PCDH7: variants seen among roughly 807,000 people sequenced by gnomAD.
PCDH7 encodes the protein protocadherin-7.
Under a neutral mutation model 58.9 loss-of-function variants are expected in PCDH7, and 17 were observed. The observed-to-expected ratio is 0.29, with a 90% confidence interval of 0.20 to 0.43. The LOEUF (loss-of-function observed/expected upper bound fraction) is 0.43, where lower values mean the gene tolerates loss of function less well. Among genes scored for constraint, PCDH7 ranks in the 20% least tolerant of loss-of-function variants. The pLI, the probability that PCDH7 is intolerant of heterozygous loss-of-function variation, is 1.00. For missense variants in PCDH7, 1,274 were observed against 1,441.0 expected (o/e 0.88, Z 1.88); for synonymous variants, 664 against 616.4 (o/e 1.08, Z -1.14).
intron 1 of PCDH7, among the ~76,000 whole-genome samples, chr4:30,805,836 A>G (rs1726127175): frequency 6.6e-6 from 1 of 152,230 alleles, no homozygotes; most frequent in Non-Finnish European, 1.5e-5. Flanking sequence ...TGTTTCTCTG[A>G]CACTTCTATG....
At chr4:30,988,860 A>G (rs957616945) in intron 3 of PCDH7, among the ~76,000 whole-genome samples, 1 of 152,190 alleles carries the variant, frequency 6.6e-6, no homozygotes, top group Non-Finnish European at 1.5e-5. Flanking sequence ...GTATTAATGC[A>G]TGTACATTAA....
rs1482189271 is a variant in PCDH7 at position 30,721,690 on chromosome 4, C to T, written c.268C>T (p.Arg90Cys). The T allele has an allele frequency of 6.2e-7, 1 of 1,614,000 alleles. No homozygotes were observed. The highest frequency in any genetic ancestry group is 2.2e-5 in the East Asian group (1 of 44,848). ...TGGCGAGCTGAGCACGAGCGAGCGGCGCATCGACCGCGAGAAGCTGCCCCA... is the reference window on the plus strand; with the variant it reads ...TGGCGAGCTGAGCACGAGCGAGCGGTGCATCGACCGCGAGAAGCTGCCCCA... The change falls in exon 1 of 2, where the codon CGC becomes TGC. Residue 90 changes from arginine to cysteine, a missense_variant. Transcript: ENST00000361762. This position sits in a 1 kb window ranked among gnomAD's most constrained non-coding sequence, Gnocchi z 6.7.
At chr4:31,015,205 C>A (rs1753508127) in intron 3 of PCDH7, among the ~76,000 whole-genome samples, 1 of 152,150 alleles carries the variant, frequency 6.6e-6, no homozygotes, top group Non-Finnish European at 1.5e-5. Flanking sequence ...CTACTTCATG[C>A]CCTTGTCTTT....
chr4:31,086,948 A>T (rs1712516845), intron 3 of PCDH7, among the ~76,000 whole-genome samples: 1 of 152,196 alleles, frequency 6.6e-6, no homozygotes. Context: ...GTTGAATATG[A>T]AATTCTTGGA....
chr4:30,885,769 C>CA (rs1737645920), intron 1 of PCDH7, among the ~76,000 whole-genome samples: 1 of 152,072 alleles, frequency 6.6e-6, no homozygotes, highest in African/African-American at 2.4e-5. Flanking sequence ...GGTACCAAAA[C>CA]AGAGATATAG....
chr4:31,071,537 G>C (rs562987961), intron 3 of PCDH7, among the ~76,000 whole-genome samples: 1 of 152,098 alleles, frequency 6.6e-6, no homozygotes, highest in African/African-American at 2.4e-5. Context: ...AGAGTTGAAG[G>C]TTTTAGTAAA....
At chr4:30,752,215 C>G (rs1718622648) in intron 1 of PCDH7, among the ~76,000 whole-genome samples, 1 of 152,094 alleles carries the variant, frequency 6.6e-6, no homozygotes, top group Admixed American at 6.5e-5. Context: ...CTCACTGCAA[C>G]TTCCGCCTGC....
chr4:31,035,110 T>C (rs1412208412), intron 3 of PCDH7, among the ~76,000 whole-genome samples: 1 of 152,196 alleles, frequency 6.6e-6, no homozygotes, highest in Non-Finnish European at 1.5e-5. Flanking sequence ...ATGAGGTTCT[T>C]TAGGAATCTG....
In PCDH7 at chr4:31,056,046, A is replaced by G. The variant is rs543800416; in HGVS notation, c.*8-86427A>G. Among the ~76,000 whole-genome samples the G allele has an allele frequency of 2.0e-5, 3 of 152,160 alleles. No individual in the cohort carries two copies. In the East Asian group the frequency reaches 5.8e-4, roughly 29 times the overall value. The stretch of plus-strand genomic sequence containing the variant: ...TAGTTAGTAATGTTTTCCCTTTAAG[A>G]CTAAGAATGTATCCCAGAAGTGGAC... On this transcript the variant is annotated intron_variant, in intron 3 of 3. Coordinates refer to the PCDH7 transcript ENST00000509759.
At chr4:30,998,474 G>A (rs1489228158) in intron 3 of PCDH7, among the ~76,000 whole-genome samples, 2 of 151,994 alleles carry the variant, frequency 1.3e-5, no homozygotes, top group Admixed American at 6.6e-5. Context: ...CAGTACATGT[G>A]GGCAAAAAGT....
Position 30,898,737 on chromosome 4 carries a change from C to G in PCDH7, c.71-21416C>G, listed in dbSNP as rs1292620376. 1.3e-5 allele frequency among the ~76,000 whole-genome samples: 2 copies of G among 152,118 alleles called. 1 individual carries two copies. Among genetic ancestry groups the G allele is most frequent in the Non-Finnish European group, 2.9e-5 (2 of 68,010 alleles). On this transcript the variant is annotated intron_variant, in intron 1 of 3. Coordinates refer to the PCDH7 transcript ENST00000509759. ...TCCCGAGTAGCTGGGACTACAGGCG[C>G]CCGCCACCACGCCCGGCTAATTTTT... is the stretch of plus-strand genomic sequence containing the variant.
chr4:30,975,418 A>C (rs1749984127), intron 3 of PCDH7, among the ~76,000 whole-genome samples: 1 of 152,068 alleles, frequency 6.6e-6, no homozygotes. Context: ...CTTCCTTCAC[A>C]CGAGCAAAAT....
At chr4:30,865,372 T>G (rs1483549538) in intron 1 of PCDH7, among the ~76,000 whole-genome samples, 1 of 152,056 alleles carries the variant, frequency 6.6e-6, no homozygotes, top group Non-Finnish European at 1.5e-5. Flanking sequence ...TATTAGAACA[T>G]CTCAGTGGGG....
At chr4:31,026,972 A>G (rs1754486567) in intron 3 of PCDH7, among the ~76,000 whole-genome samples, 1 of 152,206 alleles carries the variant, frequency 6.6e-6, no homozygotes, top group African/African-American at 2.4e-5. Flanking sequence ...TTTTAAGTAA[A>G]AATGGGAGTA....
At chr4:31,067,218 A>C (rs538933234) in intron 3 of PCDH7, among the ~76,000 whole-genome samples, 2 of 152,100 alleles carry the variant, frequency 1.3e-5, no homozygotes, top group South Asian at 4.1e-4. Flanking sequence ...ACTTAGGGCC[A>C]GTGCCCATGA....
chr4:30,943,789 A>T (rs1578372475), intron 2 of PCDH7, among the ~76,000 whole-genome samples: 1 of 150,792 alleles, frequency 6.6e-6, no homozygotes, highest in Admixed American at 6.6e-5. Flanking sequence ...GCCCAAGACA[A>T]TTTTTTTTCC....
At chr4:30,966,729 C>G (rs1371382004) in intron 3 of PCDH7, among the ~76,000 whole-genome samples, 1 of 152,100 alleles carries the variant, frequency 6.6e-6, no homozygotes, top group African/African-American at 2.4e-5. Flanking sequence ...TATGTTGAGA[C>G]TTGGCCTTGT....
At chr4:31,034,946 C>T (rs1344354800) in intron 3 of PCDH7, among the ~76,000 whole-genome samples, 1 of 152,282 alleles carries the variant, frequency 6.6e-6, no homozygotes, top group African/African-American at 2.4e-5. Flanking sequence ...ATGCTTACAC[C>T]TTAATTAATT....
chr4:30,803,958 A>G (rs972871728), intron 1 of PCDH7, among the ~76,000 whole-genome samples: 47 of 152,214 alleles, frequency 3.1e-4, no homozygotes, highest in African/African-American at 1.1e-3. Flanking sequence ...ATCTATGTGA[A>G]TAAAACTTAA....
Sources: allele counts gnomAD v4.1 joint callset (sites outside exome capture counted in the v4.1 genomes callset), GRCh38; gene constraint gnomAD v4.1.1; non-coding constraint Gnocchi (gnomAD v3.1); transcripts MANE v1.5; gene names NCBI Gene and HGNC (gene_info 2026-07-23, HGNC 2026-07-21).